Variants in EPC1 observed in about 807,000 individuals in gnomAD.
EPC1 encodes enhancer of polycomb homolog 1.
In EPC1, 12 loss-of-function variants were observed where a neutral mutation model predicts 98.4. The ratio of observed to expected loss-of-function variants is 0.12; its 90% CI spans 0.08 to 0.20. EPC1 has a LOEUF of 0.20. Among genes scored for constraint, EPC1 ranks in the 10% least tolerant of loss-of-function variants. The pLI is 1.00. For missense variants in EPC1, 729 were observed against 990.5 expected, an observed-to-expected ratio of 0.74 and a Z score of 3.54; for synonymous variants, 357 against 363.9, an observed-to-expected ratio of 0.98 and a Z score of 0.21.
chr10:32,376,948 A>C (rs1839883053), intron 1 of EPC1, among the ~76,000 whole-genome samples: 1 of 152,158 alleles, frequency 6.6e-6, no homozygotes, highest in African/African-American at 2.4e-5. Flanking sequence ...TATCTCCATA[A>C]ACAGCTAAAA....
intron 1 of EPC1, among the ~76,000 whole-genome samples, chr10:32,337,614 C>T (rs1021289132): frequency 6.6e-6 from 1 of 152,230 alleles, no homozygotes; most frequent in Non-Finnish European, 1.5e-5. Context: ...CAATCTAGGG[C>T]TCAGCTTCAT....
At chr10:32,314,846 A>T (rs960422296) in intron 1 of EPC1, among the ~76,000 whole-genome samples, 67 of 152,350 alleles carry the variant, frequency 4.4e-4, no homozygotes, top group African/African-American at 1.5e-3. Flanking sequence ...ATGGGTGGGT[A>T]TCTTTGCTGC....
At chr10:32,373,289 A>G (rs1437995417) in intron 1 of EPC1, among the ~76,000 whole-genome samples, 2 of 152,222 alleles carry the variant, frequency 1.3e-5, no homozygotes, top group East Asian at 3.9e-4. Context: ...GGTAGCATTT[A>G]GGCTGCAGGC....
intron 10 of EPC1, among the ~76,000 whole-genome samples, chr10:32,274,824 G>A (rs1224699967): frequency 6.6e-6 from 1 of 152,004 alleles, no homozygotes; most frequent in East Asian, 1.9e-4. Flanking sequence ...ACCAAAACTT[G>A]AAGAAAATCT....
intron 2 of EPC1, among the ~76,000 whole-genome samples, chr10:32,298,018 C>T (rs1312350501): frequency 6.6e-6 from 1 of 151,814 alleles, no homozygotes; most frequent in Non-Finnish European, 1.5e-5. Context: ...AGGATGGTCT[C>T]GATCTCCTGA....
At position 32,284,856 on chromosome 10, in the gene EPC1, A is replaced by C; in HGVS notation, c.1586T>G (p.Phe529Cys). ...VNIKSCRWRH[F>C]RPRTPSLHDS... ...ATGTAGGGATGGTGTCCGAGGCCTA[A>C]AATGCCGCCATCTACATGATTTGAT... The change falls in exon 10 of 14, where the codon TTT becomes TGT. Residue 529 changes from phenylalanine to cysteine, a missense_variant. Phe to Cys is a radical substitution (Grantham distance 205). Coordinates refer to ENST00000319778, the MANE Select transcript of EPC1 (RefSeq NM_001272004.3). 1 of 1,614,172 alleles carries C rather than the reference A, an allele frequency of 6.2e-7. No individual in the cohort carries two copies. Among genetic ancestry groups the C allele is most frequent in the Non-Finnish European group, 8.5e-7 (1 of 1,180,036 alleles).
At chr10:32,299,562 C>CATCATCATT (rs1219644954) in intron 2 of EPC1, among the ~76,000 whole-genome samples, 5 of 152,094 alleles carry the variant, frequency 3.3e-5, no homozygotes, top group African/African-American at 9.7e-5. Context: ...TCATCATCAT[C>CATCATCATT]ATTATTATTA....
chr10:32,357,419 T>C (rs989421533), intron 1 of EPC1, among the ~76,000 whole-genome samples: 5 of 152,232 alleles, frequency 3.3e-5, no homozygotes, highest in African/African-American at 1.2e-4. Flanking sequence ...AGGTTAACAC[T>C]TTGTGTTTCT....
At chr10:32,287,377 A>T in intron 6 of EPC1, 103 bp from the exon 7 acceptor site, 1 of 1,099,060 alleles carries the variant, frequency 9.1e-7, no homozygotes, top group African/African-American at 1.6e-5. Flanking sequence ...TAATGAGGGC[A>T]TTCATATTCA....
chr10:32,289,215 A>T (rs1278150965), intron 6 of EPC1, among the ~76,000 whole-genome samples: 1 of 152,218 alleles, frequency 6.6e-6, no homozygotes, highest in Non-Finnish European at 1.5e-5. Context: ...TACATGAGTA[A>T]ACTAAAACAG....
chr10:32,353,203 C>G (rs939229367), intron 1 of EPC1, among the ~76,000 whole-genome samples: 1 of 150,880 alleles, frequency 6.6e-6, no homozygotes, highest in Admixed American at 6.6e-5. Context: ...TATCTGATTC[C>G]AGAGTGCAGT....
chr10:32,334,922 AG>A (rs1301398840), intron 1 of EPC1, among the ~76,000 whole-genome samples: 1 of 152,196 alleles, frequency 6.6e-6, no homozygotes, highest in African/African-American at 2.4e-5. Flanking sequence ...CAAAGGAAGG[AG>A]AAGTCTGAGA....
chr10:32,294,379 A>G (rs1002538114), intron 2 of EPC1, among the ~76,000 whole-genome samples: 2 of 152,194 alleles, frequency 1.3e-5, no homozygotes, highest in Non-Finnish European at 2.9e-5. Flanking sequence ...TTTTTTTCAC[A>G]TATACTTTAT....
At chr10:32,346,595 CCGGGGGT>C (rs1260489389) in intron 1 of EPC1, 161 bp downstream of exon 1, 4 of 682,272 alleles carry the variant, frequency 5.9e-6, no homozygotes, top group Non-Finnish European at 9.7e-6. Flanking sequence ...GCCGCGGCGG[CCGGGGGT>C]CGAGGCTGGG....
chr10:32,326,385 G>A (rs1378849797), intron 1 of EPC1, among the ~76,000 whole-genome samples: 1 of 152,162 alleles, frequency 6.6e-6, no homozygotes, highest in African/African-American at 2.4e-5. Context: ...CCTGTCGCCA[G>A]GCTTGAGATG....
intron 1 of EPC1, among the ~76,000 whole-genome samples, chr10:32,357,271 T>C (rs1839306169): frequency 6.6e-6 from 1 of 152,168 alleles, no homozygotes; most frequent in Non-Finnish European, 1.5e-5. Flanking sequence ...AAAAGCCACA[T>C]CCAGATCTTA....
At chr10:32,275,071 G>T (rs987114411) in intron 10 of EPC1, among the ~76,000 whole-genome samples, 10 of 152,168 alleles carry the variant, frequency 6.6e-5, no homozygotes, top group African/African-American at 2.4e-4. Context: ...GGAAGGTCAG[G>T]TCATCACATA....
At chr10:32,335,618 C>T (rs1837911838) in intron 1 of EPC1, among the ~76,000 whole-genome samples, 1 of 152,136 alleles carries the variant, frequency 6.6e-6, no homozygotes, top group African/African-American at 2.4e-5. Context: ...CTCAGAAGTT[C>T]ACAGCATCAC....
At chr10:32,359,355 T>G (rs1236422487) in intron 1 of EPC1, among the ~76,000 whole-genome samples, 1 of 152,212 alleles carries the variant, frequency 6.6e-6, no homozygotes, top group Non-Finnish European at 1.5e-5. Context: ...ATTGCTACAC[T>G]TTGATAGTAT....
Sources: allele counts gnomAD v4.1 joint callset (sites outside exome capture counted in the v4.1 genomes callset), GRCh38; gene constraint gnomAD v4.1.1; transcripts MANE v1.5; gene names NCBI Gene and HGNC (gene_info 2026-07-23, HGNC 2026-07-21).